Variants in NUFIP2 observed in about 807,000 individuals in gnomAD.
The protein encoded by NUFIP2 is FMR1-interacting protein NUFIP2.
A neutral mutation model predicts 56.9 loss-of-function variants in NUFIP2; 6 were observed. That is an observed-to-expected ratio of 0.11 (90% confidence interval 0.06 to 0.21). NUFIP2 has a LOEUF of 0.21. NUFIP2 is among the 10% of genes least tolerant of loss of function. The pLI is 1.00. For missense variants in NUFIP2, 828 were observed against 826.8 expected (o/e 1.00, Z -0.02); for synonymous variants, 321 against 298.2 (o/e 1.08, Z -0.79).
intron 2 of NUFIP2, among the ~76,000 whole-genome samples, chr17:29,276,230 A>G (rs948418254): frequency 6.6e-6 from 1 of 152,082 alleles, no homozygotes; most frequent in Non-Finnish European, 1.5e-5. Flanking sequence ...ATCTTCCTTT[A>G]AACAAACTGA....
Position 29,286,159 on chromosome 17 carries a change from A to G in NUFIP2, c.1835T>C (p.Leu612Ser). 2 of 1,614,126 alleles carry G rather than the reference A, an allele frequency of 1.2e-6. No individual in the cohort carries two copies. Among genetic ancestry groups the G allele is most frequent in the Non-Finnish European group, 1.7e-6 (2 of 1,180,012 alleles). ...QKADTSSQGA[L>S]VFLSKDYEIE... is the part of the protein sequence containing the mutation. ...CTCGTAGTCCTTTGAGAGAAACACTAAAGCACCTTGACTACTGGTGTCTGC... is the reference window on the plus strand; with the variant it reads ...CTCGTAGTCCTTTGAGAGAAACACTGAAGCACCTTGACTACTGGTGTCTGC... The change falls in exon 2 of 4, where the codon TTA becomes TCA. Residue 612 changes from leucine (L) to serine (S), a missense_variant. This residue lies in a region of NUFIP2 where 404 missense variants were observed against 380.3 expected (regional missense o/e 1.06). Coordinates refer to ENST00000225388, the MANE Select transcript of NUFIP2 (RefSeq NM_020772.3).
chr17:29,269,798 G>C (rs1471386921), intron 2 of NUFIP2, among the ~76,000 whole-genome samples: 2 of 151,940 alleles, frequency 1.3e-5, no homozygotes, highest in Non-Finnish European at 2.9e-5. Context: ...TCAGCTCACT[G>C]CAAGCTCCGC....
At chr17:29,291,805 T>C (rs531060858) in intron 1 of NUFIP2, among the ~76,000 whole-genome samples, 29 of 152,352 alleles carry the variant, frequency 1.9e-4, no homozygotes, top group African/African-American at 7.0e-4. Flanking sequence ...TTCCAAATCT[T>C]TAGGATTAAA....
intron 2 of NUFIP2, among the ~76,000 whole-genome samples, chr17:29,273,748 T>A (rs988145501): frequency 2.0e-5 from 3 of 152,184 alleles, no homozygotes; most frequent in Non-Finnish European, 4.4e-5. Context: ...TTTGTTAAAA[T>A]TCTGTATTTT....
chr17:29,261,412 A>ACAT lies in NUFIP2; in HGVS notation c.*3126_*3127insATG, dbSNP rs1439976121. The ACAT allele has an allele frequency of 1.7e-5, 2 of 119,810 alleles. No individual in the cohort carries two copies. Among genetic ancestry groups the ACAT allele is most frequent in the Admixed American group, 1.5e-4 (2 of 13,018 alleles). 7.4% of individuals were successfully genotyped at this position (119,810 alleles called of 1,614,324 possible). A position where few individuals can be genotyped will look rare whatever the true frequency, so the allele number is the denominator to read the frequency against. Reference sequence around the variant, plus strand: ...CTCACACACACATACATACATACATAAACACACACACACACACACACCCCT... The same window carrying ACAT: ...CTCACACACACATACATACATACATACATAACACACACACACACACACACCCCT... On this transcript the variant is annotated 3_prime_UTR_variant, in exon 4 of 4. Transcript: ENST00000225388.
chr17:29,290,664 A>AAAG (rs1555549495), intron 1 of NUFIP2, among the ~76,000 whole-genome samples: 1 of 147,282 alleles, frequency 6.8e-6, no homozygotes, highest in Non-Finnish European at 1.5e-5. Flanking sequence ...AAAAAAAAAA[A>AAAG]AAAGAAAGAA....
rs773804531 is a variant in NUFIP2, at chr17:29,286,932, A to G, written c.1062T>C (p.Pro354=). The change falls in exon 2 of 4, where the codon CCT becomes CCC. Residue 354 remains proline (P), a synonymous_variant. Coordinates refer to ENST00000225388, the MANE Select transcript of NUFIP2 (RefSeq NM_020772.3). Reference sequence around the variant, plus strand: ...TAACTTTGCTTGCATAACTTATTTTAGGAACTATTTTAGCACTGCTATTGT... The same window carrying G: ...TAACTTTGCTTGCATAACTTATTTTGGGAACTATTTTAGCACTGCTATTGT... ...PVDNSSAKIV[P]KISYASKVKE... 5.0e-6 allele frequency: 8 copies of G among 1,614,032 alleles called. No homozygotes were observed. The highest frequency in any genetic ancestry group is 2.7e-5 in the African/African-American group (2 of 74,914).
Position 29,294,079 on chromosome 17 carries a change from C to T in NUFIP2, c.-20G>A, listed in dbSNP as rs745553413. The T allele has an allele frequency of 3.2e-6, 5 of 1,576,496 alleles. No homozygotes were observed. Among genetic ancestry groups the T allele is most frequent in the Non-Finnish European group, 4.3e-6 (5 of 1,158,966 alleles). ...CTCCATTGAAAGCGGCTGGGACTCC[C>T]TGGCTGAGGCTGCGGGCTGCTGCAC... On this transcript the variant is annotated 5_prime_UTR_variant, in exon 1 of 4. Coordinates refer to ENST00000225388, the MANE Select transcript of NUFIP2 (RefSeq NM_020772.3).
intron 2 of NUFIP2, among the ~76,000 whole-genome samples, chr17:29,280,081 G>A (rs955344786): frequency 2.0e-5 from 3 of 152,152 alleles, no homozygotes; most frequent in African/African-American, 7.2e-5. Flanking sequence ...GCCTCCCAAC[G>A]TGCTGGGATT....
At position 29,286,232 on chromosome 17, in the gene NUFIP2, T is replaced by G. The variant is rs758060395; in HGVS notation, c.1762A>C (p.Ser588Arg). 3 of 1,614,182 alleles carry G rather than the reference T, an allele frequency of 1.9e-6. No individual in the cohort carries two copies. The South Asian group carries it at 3.3e-5, about 18-fold the overall frequency. ...CTGGGTTCCAAGGATAAGGCTCCAC[T>G]CTCACTAGTAGTCCCAGATTTTAGA... is the stretch of plus-strand genomic sequence containing the variant. Reference protein sequence around the residue: ...SILKSGTTSESGALSLEPSHI... With the variant: ...SILKSGTTSERGALSLEPSHI... Residue 588 changes from serine (S) to arginine (R), a missense_variant, in exon 2 of 4, where the codon AGT (serine) becomes CGT (arginine). This residue lies in a region of NUFIP2 where 404 missense variants were observed against 380.3 expected (regional missense o/e 1.06). Transcript: ENST00000225388.
chr17:29,272,594 T>TAGTA (rs1321987690), intron 2 of NUFIP2, among the ~76,000 whole-genome samples: 1 of 152,154 alleles, frequency 6.6e-6, no homozygotes, highest in Non-Finnish European at 1.5e-5. Flanking sequence ...AACAAGTGAA[T>TAGTA]AGTATAAAGA....
intron 2 of NUFIP2, among the ~76,000 whole-genome samples, chr17:29,284,050 A>C (rs1328517252): frequency 6.6e-6 from 1 of 152,234 alleles, no homozygotes; most frequent in Non-Finnish European, 1.5e-5. Context: ...GTCACAAATC[A>C]CTTTGTTATT....
intron 2 of NUFIP2, among the ~76,000 whole-genome samples, chr17:29,273,048 AT>A (rs1238839691): frequency 8.9e-6 from 1 of 112,722 alleles, no homozygotes; most frequent in African/African-American, 3.9e-5. Context: ...ACACACACAT[AT>A]ATATATATAG....
intron 1 of NUFIP2, among the ~76,000 whole-genome samples, chr17:29,288,403 G>C (rs1026066147): frequency 2.0e-5 from 3 of 152,228 alleles, no homozygotes; most frequent in Admixed American, 6.5e-5. Context: ...AAGTTTTATT[G>C]AAACAGTAAT....
chr17:29,276,306 T>C (rs1212096221), intron 2 of NUFIP2, among the ~76,000 whole-genome samples: 1 of 152,038 alleles, frequency 6.6e-6, no homozygotes, highest in East Asian at 1.9e-4. Context: ...CCAGGCACAA[T>C]AAACAGACTA....
At chr17:29,292,966 C>T (rs2069227165) in intron 1 of NUFIP2, among the ~76,000 whole-genome samples, 1 of 145,302 alleles carries the variant, frequency 6.9e-6, no homozygotes, top group South Asian at 2.2e-4. Flanking sequence ...GATCCCGGGT[C>T]ACCCGGCTCC....
chr17:29,283,729 A>G (rs1336295584), intron 2 of NUFIP2, among the ~76,000 whole-genome samples: 2 of 152,222 alleles, frequency 1.3e-5, no homozygotes, highest in African/African-American at 4.8e-5. Context: ...AACAATACCA[A>G]AAAACCCAAC....
In NUFIP2 at chr17:29,293,762, CA is replaced by C; in HGVS notation, c.277+20del. The C allele has an allele frequency of 6.5e-6, 10 of 1,539,276 alleles. No homozygotes were observed. The highest frequency in any genetic ancestry group is 2.5e-5 in the South Asian group (2 of 80,482). ...TCCTCCACCCCCAACCCCCTTCCCC[CA>C]CCCGTCCTCCCTCCCAGACCTGTTT... On this transcript the variant is annotated intron_variant, in intron 1 of 3. Transcript: ENST00000225388.
chr17:29,284,399 C>T (rs185352628), intron 2 of NUFIP2, among the ~76,000 whole-genome samples: 248 of 152,234 alleles, frequency 1.6e-3, no homozygotes, highest in African/African-American at 5.6e-3. Context: ...AAACAAACCA[C>T]ATTCTAAGAA....
Sources: gnomAD v4.1 joint callset for allele counts (sites outside exome capture counted in the v4.1 genomes callset) on GRCh38, gnomAD v4.1.1 for gene constraint, gnomAD v4.1.1 regional missense constraint, MANE v1.5 for transcripts, NCBI Gene and HGNC (gene_info 2026-07-23, HGNC 2026-07-21) for gene names.